Variants in PNPT1 observed in about 807,000 individuals in gnomAD.
PNPT1 encodes polyribonucleotide nucleotidyltransferase 1, also known as polyribonucleotide nucleotidyltransferase 1, mitochondrial.
PNPT1 carries 53 observed loss-of-function variants against 119.5 expected under a neutral mutation model. That is an observed-to-expected ratio of 0.44 (90% CI 0.36 to 0.56). The LOEUF is 0.56. Among genes scored for constraint, PNPT1 ranks in the 20% least tolerant of loss-of-function variants. The probability of loss-of-function intolerance (pLI) is 0.00; values close to 1 mark genes in which losing one functional copy is unlikely to be tolerated. For synonymous variants in PNPT1, 357 were observed against 322.1 expected, an observed-to-expected ratio of 1.11 and a Z score of -1.16; for missense variants, 948 against 938.5, an observed-to-expected ratio of 1.01 and a Z score of -0.13.
intron 22 of PNPT1, 55 bp downstream of exon 22, chr2:55,645,294 G>C: frequency 3.2e-6 from 4 of 1,256,006 alleles, no homozygotes; most frequent in Non-Finnish European, 4.6e-6. Context: ...AAAGTGCTGG[G>C]ATTACAGGCG....
At chr2:55,650,586 G>A (rs573182451) in intron 18 of PNPT1, among the ~76,000 whole-genome samples, 29 of 150,770 alleles carry the variant, frequency 1.9e-4, no homozygotes, top group Non-Finnish European at 4.1e-4. Context: ...AGTGAGGAGC[G>A]CCTCTTCCCG....
At chr2:55,668,621 C>T (rs1392667751) in intron 11 of PNPT1, among the ~76,000 whole-genome samples, 7 of 150,236 alleles carry the variant, frequency 4.7e-5, no homozygotes, top group South Asian at 2.1e-4. Flanking sequence ...TTTTTTGAGA[C>T]GGAGTTTTGC....
At chr2:55,684,418 C>T (rs1000244236) in intron 4 of PNPT1, among the ~76,000 whole-genome samples, 3 of 152,096 alleles carry the variant, frequency 2.0e-5, no homozygotes, top group Non-Finnish European at 2.9e-5. Context: ...GAGCCGAGAT[C>T]GTGCCACTGC....
At position 55,667,938 on chromosome 2, in the gene PNPT1, G is replaced by T; in HGVS notation, c.997C>A (p.Pro333Thr). The T allele has an allele frequency of 1.3e-6, 2 of 1,578,034 alleles. No homozygotes were observed. Among genetic ancestry groups the T allele is most frequent in the Non-Finnish European group, 1.7e-6 (2 of 1,170,984 alleles). The change falls in exon 12 of 28, where the codon CCA becomes ACA. Residue 333 changes from proline to threonine, a missense_variant. Physicochemically the swap from Pro to Thr is conservative, Grantham distance 38 (BLOSUM62 -1). Transcript: ENST00000447944. ...TTGAAGGATTCTATTATTTCATATG[G>T]ATCGGCTTCTGGAAATTTTTCTATA... The part of the protein sequence containing the change: ...QLKEKFPEAD[P>T]YEIIESFNVV...
chr2:55,680,391 C>A (rs1461906838), intron 7 of PNPT1, among the ~76,000 whole-genome samples: 1 of 147,284 alleles, frequency 6.8e-6, no homozygotes, highest in African/African-American at 2.5e-5. Context: ...TTAATTTCAT[C>A]CTGAAGGAGT....
In PNPT1 at chr2:55,677,596, CAAAAAAAAAAAAAA is replaced by C. The variant is rs70954146; in HGVS notation, c.679+2072_679+2085del. On this transcript the variant is annotated intron_variant, in intron 8 of 27. Coordinates refer to ENST00000447944, the MANE Select transcript of PNPT1 (RefSeq NM_033109.5). ...TGGGCAACAGAGCGAGACTATGTCT[CAAAAAAAAAAAAAA>C]AAAAAAAAAAAAGATTATTAGTTCA... is the stretch of plus-strand genomic sequence containing the variant. Among the ~76,000 whole-genome samples the C allele has an allele frequency of 3.6e-4, 12 of 33,506 alleles. No homozygotes were observed. The East Asian group carries it at 8.7e-3, about 24-fold the overall frequency. The allele number at this position is 33,506 out of a possible 152,430, so 22.0% of individuals were successfully genotyped here.
chr2:55,645,366 T>C lies in PNPT1; in HGVS notation c.1805A>G (p.Glu602Gly). The change falls in exon 22 of 28, where the codon GAA becomes GGA. Residue 602 changes from glutamate to glycine, a missense_variant. Physicochemically the swap from Glu to Gly is moderately conservative, Grantham distance 98 (BLOSUM62 -2). Transcript: ENST00000447944. ...TISKPRASRK[E>G]NGPVVETVQV... ...TGTATTACCTACAACAGGTCCATTT[T>C]CTTTTCTAGATGCTCGAGGTTTTGA... 6.2e-7 allele frequency: 1 copy of C among 1,610,566 alleles called. No homozygotes were observed. Among genetic ancestry groups the C allele is most frequent in the Non-Finnish European group, 8.5e-7 (1 of 1,177,022 alleles).
At chr2:55,675,987 G>A (rs898044188) in intron 8 of PNPT1, among the ~76,000 whole-genome samples, 3 of 152,092 alleles carry the variant, frequency 2.0e-5, no homozygotes, top group South Asian at 2.1e-4. Context: ...TAGGCCCAGC[G>A]TGGTGGCTCA....
intron 15 of PNPT1, among the ~76,000 whole-genome samples, chr2:55,657,352 A>G (rs189863323): frequency 2.0e-5 from 3 of 151,982 alleles, no homozygotes; most frequent in African/African-American, 7.2e-5. Context: ...ATTCCCCCAA[A>G]TATCTGTAAT....
chr2:55,673,605 T>C (rs999335378), intron 8 of PNPT1, among the ~76,000 whole-genome samples: 1 of 151,596 alleles, frequency 6.6e-6, no homozygotes, highest in Non-Finnish European at 1.5e-5. Context: ...CCCGCCACCA[T>C]GCCCAGCTAA....
intron 7 of PNPT1, 82 bp from the exon 8 acceptor site, chr2:55,679,877 C>T (rs930021333): frequency 2.9e-5 from 27 of 917,812 alleles, no homozygotes; most frequent in Middle Eastern, 2.2e-4. Context: ...GCTTCAACCC[C>T]ATCTTTGATT....
intron 18 of PNPT1, among the ~76,000 whole-genome samples, chr2:55,649,850 C>A (rs552421089): frequency 6.6e-6 from 1 of 152,290 alleles, no homozygotes; most frequent in East Asian, 1.9e-4. Context: ...ACCTGCTTAA[C>A]CCTGCTGAAA....
At chr2:55,672,464 T>C (rs904089866) in intron 9 of PNPT1, among the ~76,000 whole-genome samples, 1 of 152,244 alleles carries the variant, frequency 6.6e-6, no homozygotes, top group African/African-American at 2.4e-5. Context: ...ACCTTTTCAA[T>C]TTTTTCAAAT....
At chr2:55,645,822 TGGCTAC>T (rs1314888196) in intron 21 of PNPT1, among the ~76,000 whole-genome samples, 2 of 128,876 alleles carry the variant, frequency 1.6e-5, no homozygotes, top group Middle Eastern at 3.9e-3. Flanking sequence ...ATGCCATGCC[TGGCTAC>T]TTAGTACTTC....
chr2:55,667,631 A>G (rs575116240), intron 12 of PNPT1, among the ~76,000 whole-genome samples: 1 of 152,174 alleles, frequency 6.6e-6, no homozygotes, highest in African/African-American at 2.4e-5. Context: ...TCTACAGGTA[A>G]TCCTGAAGTG....
In PNPT1 at chr2:55,640,693, T is replaced by C. The variant is rs1357034562; in HGVS notation, c.2082A>G (p.Val694=). 3 of 1,573,996 alleles carry C rather than the reference T, an allele frequency of 1.9e-6. No homozygotes were observed. Residue 694 remains valine, a synonymous_variant, in exon 26 of 28, where the codon GTA becomes GTG. Transcript: ENST00000447944. Reference sequence around the variant, plus strand: ...TCATATTTGGATATAATTTTACCATTACACCAGTATCTCTACAAAAAAATA... The same window carrying C: ...TCATATTTGGATATAATTTTACCATCACACCAGTATCTCTACAAAAAAATA... The part of the protein sequence containing the change: ...ATITEIRDTG[V]MVKLYPNMTA...
chr2:55,660,096 C>A lies in PNPT1; in HGVS notation c.1284+61G>T. 6 of 1,461,576 alleles carry A rather than the reference C, an allele frequency of 4.1e-6. 1 individual carries two copies. In the South Asian group the frequency reaches 6.6e-5, roughly 16 times the overall value. The allele number at this position is 1,461,576 out of a possible 1,614,324, so 90.5% of individuals were successfully genotyped here. On this transcript the variant is annotated intron_variant, in intron 15 of 27. Coordinates refer to ENST00000447944, the MANE Select transcript of PNPT1 (RefSeq NM_033109.5). ...TCCAGCCTGGACAACAGGGTGAGAC[C>A]TCGTCTCACAAAAATTTATTAATTT... is the stretch of plus-strand genomic sequence containing the variant.
chr2:55,647,877 G>T (rs1696050237), intron 18 of PNPT1, among the ~76,000 whole-genome samples: 1 of 152,154 alleles, frequency 6.6e-6, no homozygotes, highest in South Asian at 2.1e-4. Flanking sequence ...AATCACCGAA[G>T]CTGAGTTGGA....
At chr2:55,689,443 A>G (rs1697522083) in intron 1 of PNPT1, among the ~76,000 whole-genome samples, 1 of 152,216 alleles carries the variant, frequency 6.6e-6, no homozygotes, top group African/African-American at 2.4e-5. Flanking sequence ...TAGTTCCCAA[A>G]TGGAAACAAC....
Sources: allele counts gnomAD v4.1 joint callset (sites outside exome capture counted in the v4.1 genomes callset), GRCh38; gene constraint gnomAD v4.1.1; transcripts MANE v1.5; gene names NCBI Gene and HGNC (gene_info 2026-07-23, HGNC 2026-07-21).